Variants in BACE2 observed in about 807,000 individuals in gnomAD.
BACE2 encodes beta-secretase 2, also known as 56 kDa aspartic-like protease.
In BACE2, 17 loss-of-function variants were observed where a neutral mutation model predicts 46.2. The observed-to-expected ratio is 0.37, with a 90% CI of 0.25 to 0.55. The LOEUF is 0.55. Ranked by LOEUF, BACE2 falls within the 20% of genes least tolerant of loss-of-function variation. BACE2 has a pLI of 0.82. For missense variants in BACE2, 595 were observed against 698.1 expected (o/e 0.85, Z 1.66); for synonymous variants, 277 against 295.9 (o/e 0.94, Z 0.66).
intron 3 of BACE2, among the ~76,000 whole-genome samples, chr21:41,241,042 A>G (rs1327988582): frequency 6.6e-6 from 1 of 152,136 alleles, no homozygotes; most frequent in African/African-American, 2.4e-5. Flanking sequence ...CAAAGCCAAA[A>G]TCTAAACTCA....
At chr21:41,244,176 G>C (rs1350392315) in intron 5 of BACE2, among the ~76,000 whole-genome samples, 7 of 152,060 alleles carry the variant, frequency 4.6e-5, no homozygotes, top group Non-Finnish European at 1.0e-4. Flanking sequence ...AAAACCATGG[G>C]GATGTCATTA....
intron 7 of BACE2, among the ~76,000 whole-genome samples, chr21:41,255,339 G>T (rs1399064157): frequency 1.3e-5 from 2 of 152,296 alleles, no homozygotes; most frequent in Admixed American, 6.5e-5. Context: ...GGCCAGATGG[G>T]TCACCCAAGG....
chr21:41,180,948 G>T (rs111552414), intron 1 of BACE2: 44 of 167,240 alleles, frequency 2.6e-4, no homozygotes, highest in African/African-American at 1.0e-3. Context: ...CTCCGTTGGT[G>T]GCTAAGGATT....
chr21:41,238,191 C>T (rs551750431), intron 3 of BACE2, among the ~76,000 whole-genome samples: 24 of 152,294 alleles, frequency 1.6e-4, no homozygotes, highest in African/African-American at 5.1e-4. Context: ...GGGACACCTC[C>T]GAGGAGACAC....
rs927214090 is a variant in BACE2, at chr21:41,280,317, C to T, written c.*4693C>T. 3 of 152,312 alleles carry T rather than the reference C, an allele frequency of 2.0e-5. No homozygotes were observed. Among genetic ancestry groups the T allele is most frequent in the Non-Finnish European group, 2.9e-5 (2 of 68,112 alleles). 9.4% of individuals were successfully genotyped at this position (152,312 alleles called of 1,614,324 possible). A position where few individuals can be genotyped will look rare whatever the true frequency, so the allele number is the denominator to read the frequency against. On this transcript the variant is annotated 3_prime_UTR_variant, in exon 9 of 9. Coordinates refer to ENST00000330333, the MANE Select transcript of BACE2 (RefSeq NM_012105.5). ...GAGGGGCACGGCAGCTGGGCCCTCA[C>T]CGTTTCCGCCAGCTCTGCTGAGCCA...
chr21:41,183,848 G>A (rs1985243154), intron 1 of BACE2: 1 of 166,892 alleles, frequency 6.0e-6, no homozygotes, highest in South Asian at 2.1e-4. Flanking sequence ...CATTGCCAGG[G>A]GCCCTTTTGC....
At chr21:41,215,838 T>C (rs1986448699) in intron 1 of BACE2, among the ~76,000 whole-genome samples, 1 of 152,166 alleles carries the variant, frequency 6.6e-6, no homozygotes, top group South Asian at 2.1e-4. Flanking sequence ...TTTGAGAATA[T>C]ATATTTTCAA....
At position 41,245,954 on chromosome 21, in the gene BACE2, G is replaced by T. The variant is rs775924859; in HGVS notation, c.883-8G>T. ...TCACGCACCTTTCCCTTTCTCTCCCGGTTCAAGTATAACGCAGACAAGGCC... is the reference window on the plus strand; with the variant it reads ...TCACGCACCTTTCCCTTTCTCTCCCTGTTCAAGTATAACGCAGACAAGGCC... On this transcript the variant is annotated splice_polypyrimidine_tract_variant and splice_region_variant and intron_variant, in intron 5 of 8. Transcript: ENST00000330333. 5.6e-6 allele frequency: 9 copies of T among 1,600,138 alleles called. No homozygotes were observed. In the Admixed American group the frequency reaches 1.5e-4, roughly 27 times the overall value.
intron 1 of BACE2, among the ~76,000 whole-genome samples, chr21:41,197,056 G>C (rs1348618731): frequency 6.6e-6 from 1 of 152,096 alleles, no homozygotes; most frequent in East Asian, 1.9e-4. Context: ...CAGCCTCTCA[G>C]ACCCAAGGCA....
chr21:41,275,313 A>G (rs555423132), intron 8 of BACE2, 58 bp from the exon 9 acceptor site: 137 of 1,607,206 alleles, frequency 8.5e-5, no homozygotes, highest in Admixed American at 3.2e-4. Flanking sequence ...TCTGTGTCCA[A>G]TGTGAGAGGT....
Position 41,275,767 on chromosome 21 carries a change from A to G in BACE2, c.*143A>G, listed in dbSNP as rs1057294891. On this transcript the variant is annotated 3_prime_UTR_variant, in exon 9 of 9. Transcript: ENST00000330333. ...TGTTCTGCTCCCAGATGCCTTCTAG[A>G]TTCACTGTCTTTTGATTCTTGATTT... 6 of 911,096 alleles carry G rather than the reference A, an allele frequency of 6.6e-6. No homozygotes were observed. The highest frequency in any genetic ancestry group is 5.3e-5 in the East Asian group (2 of 37,836). The allele number at this position is 911,096 out of a possible 1,614,324, so 56.4% of individuals were successfully genotyped here.
At chr21:41,234,081 G>A (rs569411212) in intron 2 of BACE2, among the ~76,000 whole-genome samples, 2 of 152,298 alleles carry the variant, frequency 1.3e-5, no homozygotes, top group Admixed American at 1.3e-4. Flanking sequence ...GACCCAGTGG[G>A]AGATAATTGA....
intron 5 of BACE2, among the ~76,000 whole-genome samples, chr21:41,244,582 G>A (rs1266597021): frequency 1.4e-5 from 1 of 69,616 alleles, no homozygotes; most frequent in East Asian, 4.1e-4. Context: ...GTGGTGGAAT[G>A]TCATCAGTTA....
At chr21:41,236,056 T>C (rs966253841) in intron 2 of BACE2, among the ~76,000 whole-genome samples, 1 of 152,168 alleles carries the variant, frequency 6.6e-6, no homozygotes, top group Non-Finnish European at 1.5e-5. Context: ...ATCTACTGGG[T>C]GATTTGATAT....
At chr21:41,175,959 G>A (rs528284522) in intron 1 of BACE2, 1 of 152,282 alleles carries the variant, frequency 6.6e-6, no homozygotes, top group South Asian at 2.1e-4. Context: ...TGTGTGGCTT[G>A]CGCAGTGATT....
intron 1 of BACE2, among the ~76,000 whole-genome samples, chr21:41,210,237 C>G (rs1986255846): frequency 6.6e-6 from 1 of 151,622 alleles, no homozygotes; most frequent in Admixed American, 6.6e-5. Flanking sequence ...ACAGACCCTT[C>G]TTTTTGCCAA....
intron 4 of BACE2, among the ~76,000 whole-genome samples, chr21:41,243,030 C>T (rs1163008980): frequency 6.6e-6 from 1 of 152,132 alleles, no homozygotes; most frequent in East Asian, 1.9e-4. Context: ...TCTCCTGCCT[C>T]AGCCTCCTGA....
chr21:41,269,244 G>C (rs984952378), intron 8 of BACE2, among the ~76,000 whole-genome samples: 1 of 152,150 alleles, frequency 6.6e-6, no homozygotes. Context: ...ATGAGCCACC[G>C]AGCCTGGCCT....
At position 41,279,354 on chromosome 21, in the gene BACE2, G is replaced by C. The variant is rs2088521936; in HGVS notation, c.*3730G>C. 6.6e-6 allele frequency: 1 copy of C among 152,200 alleles called. No individual in the cohort carries two copies. The highest frequency in any genetic ancestry group is 2.1e-4 in the South Asian group (1 of 4,832). 9.4% of individuals were successfully genotyped at this position (152,200 alleles called of 1,614,324 possible). On this transcript the variant is annotated 3_prime_UTR_variant, in exon 9 of 9. Transcript: ENST00000330333. ...CTCGTGCCTGTAATCCCAGCACTTTGGGAGGCCGAGGCAGGTGGATCACCT... is the reference window on the plus strand; with the variant it reads ...CTCGTGCCTGTAATCCCAGCACTTTCGGAGGCCGAGGCAGGTGGATCACCT...
Sources: gnomAD v4.1 joint callset for allele counts (sites outside exome capture counted in the v4.1 genomes callset) on GRCh38, gnomAD v4.1.1 for gene constraint, MANE v1.5 for transcripts, NCBI Gene and HGNC (gene_info 2026-07-23, HGNC 2026-07-21) for gene names.